The following SEMA6D variants were observed in gnomAD, a reference collection of about 807,000 sequenced individuals.
SEMA6D encodes semaphorin-6D.
SEMA6D carries 35 observed loss-of-function variants against 106.6 expected under a neutral mutation model. The ratio of observed to expected loss-of-function variants is 0.33; its 90% CI spans 0.25 to 0.44. The LOEUF (loss-of-function observed/expected upper bound fraction) is 0.44, where lower values mean the gene tolerates loss of function less well. SEMA6D is among the 20% of genes least tolerant of loss of function. SEMA6D has a pLI of 1.00. For missense variants in SEMA6D, 1,185 were observed against 1,345.9 expected (o/e 0.88, Z 1.87); for synonymous variants, 499 against 487.7 (o/e 1.02, Z -0.31).
At chr15:47,422,471 C>G (rs941926954) in intron 2 of SEMA6D, among the ~76,000 whole-genome samples, 57 of 152,142 alleles carry the variant, frequency 3.7e-4, no homozygotes, top group African/African-American at 1.3e-3. Flanking sequence ...TATATTCTGC[C>G]TGACTGTGTC....
intron 3 of SEMA6D, among the ~76,000 whole-genome samples, chr15:47,537,162 A>T (rs1046211497): frequency 6.6e-6 from 1 of 152,244 alleles, no homozygotes; most frequent in South Asian, 2.1e-4. Flanking sequence ...AATTAATTTT[A>T]TAGTCAGAAA....
intron 3 of SEMA6D, 121 bp downstream of exon 3, chr15:47,760,536 A>T: frequency 1.4e-6 from 1 of 715,556 alleles, no homozygotes; most frequent in East Asian, 2.7e-5. Context: ...AAGTAGCCAG[A>T]AATATTCACT....
chr15:47,338,634 G>A (rs1256848966), intron 1 of SEMA6D, among the ~76,000 whole-genome samples: 12 of 152,192 alleles, frequency 7.9e-5, no homozygotes, highest in Admixed American at 7.9e-4. Flanking sequence ...ATAATGGACT[G>A]GACTAGTTAT....
intron 2 of SEMA6D, 105 bp from the exon 3 acceptor site, chr15:47,760,199 T>C (rs2081984949): frequency 2.6e-6 from 2 of 756,200 alleles, no homozygotes; most frequent in Non-Finnish European, 4.4e-6. Flanking sequence ...GAGAGGAATT[T>C]AGTTAAAACC....
At chr15:47,198,927 T>C (rs897667685) in intron 1 of SEMA6D, among the ~76,000 whole-genome samples, 1 of 152,160 alleles carries the variant, frequency 6.6e-6, no homozygotes, top group Non-Finnish European at 1.5e-5. Flanking sequence ...TTGGAGTCCT[T>C]TCCTGGGAAG....
intron 4 of SEMA6D, among the ~76,000 whole-genome samples, chr15:47,680,454 G>T (rs760008967): frequency 6.6e-6 from 1 of 152,124 alleles, no homozygotes; most frequent in Non-Finnish European, 1.5e-5. Context: ...TATTATACAA[G>T]AACATAGGTA....
chr15:47,758,025 A>T (rs72735861), intron 1 of SEMA6D, among the ~76,000 whole-genome samples: 6 of 152,272 alleles, frequency 3.9e-5, no homozygotes, highest in Admixed American at 1.3e-4. Flanking sequence ...AGTCATACTG[A>T]CTCCAAAGTC....
rs1265663261 is a variant in SEMA6D, at chr15:47,413,060, G to A, written c.-159+588G>A. On this transcript the variant is annotated intron_variant, in intron 2 of 19. Coordinates refer to the SEMA6D transcript ENST00000558014. ...GTGATAATGGTGACTGTTGACAGACGGATGGCAAATTGTGTTACTGGAAGT... is the reference window on the plus strand; with the variant it reads ...GTGATAATGGTGACTGTTGACAGACAGATGGCAAATTGTGTTACTGGAAGT... Among the ~76,000 whole-genome samples the A allele has an allele frequency of 3.3e-5, 5 of 152,068 alleles. No individual in the cohort carries two copies. In the East Asian group the frequency reaches 7.8e-4, roughly 24 times the overall value.
chr15:47,479,514 A>G (rs2043091859), intron 3 of SEMA6D, among the ~76,000 whole-genome samples: 1 of 152,254 alleles, frequency 6.6e-6, no homozygotes, highest in East Asian at 1.9e-4. Flanking sequence ...TTTATATACT[A>G]CCTACTTTAT....
intron 2 of SEMA6D, among the ~76,000 whole-genome samples, chr15:47,419,380 G>A (rs1346318025): frequency 6.6e-6 from 1 of 152,010 alleles, no homozygotes; most frequent in African/African-American, 2.4e-5. Context: ...TATGAAAATG[G>A]CCAAAAATTA....
At chr15:47,687,459 AAG>A (rs1219818250) in intron 4 of SEMA6D, among the ~76,000 whole-genome samples, 2 of 152,146 alleles carry the variant, frequency 1.3e-5, no homozygotes, top group South Asian at 2.1e-4. Flanking sequence ...AAAAAAAAGA[AAG>A]AGAGAAGATT....
intron 2 of SEMA6D, among the ~76,000 whole-genome samples, chr15:47,431,793 A>G (rs2041535339): frequency 6.6e-6 from 1 of 152,180 alleles, no homozygotes; most frequent in African/African-American, 2.4e-5. Flanking sequence ...GATACAGTAC[A>G]GTTGAAAATG....
At chr15:47,641,545 G>A (rs547059642) in intron 4 of SEMA6D, among the ~76,000 whole-genome samples, 2 of 152,276 alleles carry the variant, frequency 1.3e-5, no homozygotes, top group African/African-American at 4.8e-5. Flanking sequence ...TTGGATCCAG[G>A]CTAACTGGGC....
chr15:47,215,898 A>G (rs991324232), intron 1 of SEMA6D, among the ~76,000 whole-genome samples: 3 of 146,950 alleles, frequency 2.0e-5, no homozygotes, highest in Non-Finnish European at 3.0e-5. Flanking sequence ...GCAGTGCCCA[A>G]GGATCATTAC....
chr15:47,639,026 G>C (rs937041251), intron 4 of SEMA6D, among the ~76,000 whole-genome samples: 3 of 152,180 alleles, frequency 2.0e-5, no homozygotes, highest in Non-Finnish European at 4.4e-5. Flanking sequence ...GTCTCCTGGA[G>C]CCTAGGCCAC....
chr15:47,223,203 A>G (rs77867909), intron 1 of SEMA6D, among the ~76,000 whole-genome samples: 3,145 of 151,746 alleles, frequency 0.021, 104 homozygotes, highest in African/African-American at 0.071. Context: ...GGATTGTGAC[A>G]ATCTTCTTTG....
rs201512531 is a variant in SEMA6D, at chr15:47,511,778, G to T, written c.-87+41233G>T. Among the ~76,000 whole-genome samples the T allele has an allele frequency of 7.9e-5, 12 of 152,228 alleles. No individual in the cohort carries two copies. In the East Asian group the frequency reaches 2.3e-3, roughly 29 times the overall value. ...TTGACTTTAATGGTGAGGAGTCTAGGATCTCTGGCAGATGGGAGGAGGAGA... is the reference window on the plus strand; with the variant it reads ...TTGACTTTAATGGTGAGGAGTCTAGTATCTCTGGCAGATGGGAGGAGGAGA... On this transcript the variant is annotated intron_variant, in intron 3 of 19. Transcript: ENST00000558014.
intron 4 of SEMA6D, among the ~76,000 whole-genome samples, chr15:47,711,295 G>A (rs1217331560): frequency 3.4e-5 from 4 of 117,676 alleles, no homozygotes; most frequent in Non-Finnish European, 6.8e-5. Flanking sequence ...GGGCGACAGA[G>A]CGAGACTCCG....
intron 1 of SEMA6D, among the ~76,000 whole-genome samples, chr15:47,723,971 G>A (rs1392116358): frequency 2.0e-5 from 3 of 152,200 alleles, no homozygotes; most frequent in Non-Finnish European, 2.9e-5. Context: ...CAGAGCAGAC[G>A]AAGCTCTTTG....
Sources: allele counts gnomAD v4.1 joint callset (sites outside exome capture counted in the v4.1 genomes callset), GRCh38; gene constraint gnomAD v4.1.1; transcripts MANE v1.5; gene names NCBI Gene and HGNC (gene_info 2026-07-23, HGNC 2026-07-21).